LRRN2: variants seen among roughly 807,000 people sequenced by gnomAD.
The protein encoded by LRRN2 is leucine rich repeat neuronal 2, also known as leucine-rich repeat neuronal protein 2.
LRRN2 carries 10 observed loss-of-function variants against 35.7 expected under a neutral mutation model. That is an observed-to-expected ratio of 0.28 (90% CI 0.17 to 0.47). The LOEUF is 0.47. Among genes scored for constraint, LRRN2 ranks in the 20% least tolerant of loss-of-function variants. The probability of loss-of-function intolerance (pLI) is 0.99; values close to 1 mark genes in which losing one functional copy is unlikely to be tolerated. For synonymous variants in LRRN2, 391 were observed against 409.6 expected (o/e 0.95, Z 0.55); for missense variants, 731 against 940.3 (o/e 0.78, Z 2.91).
chr1:204,645,808 G>A (rs188080759), intron 1 of LRRN2, among the ~76,000 whole-genome samples: 227 of 152,248 alleles, frequency 1.5e-3, no homozygotes, highest in Middle Eastern at 3.4e-3. Flanking sequence ...AATGCCAGGT[G>A]CTTATAAAAA....
Position 204,635,551 on chromosome 1 carries a change from C to G in LRRN2, c.-226-15333G>C, listed in dbSNP as rs186465971. 4.6e-5 allele frequency among the ~76,000 whole-genome samples: 7 copies of G among 152,278 alleles called. No homozygotes were observed. The East Asian group carries it at 1.2e-3, about 25-fold the overall frequency. On this transcript the variant is annotated intron_variant, in intron 1 of 1. Coordinates refer to ENST00000367177, the MANE Select transcript of LRRN2 (RefSeq NM_201630.2). Reference sequence around the variant, plus strand: ...TTGAGTGTACCAGGCATGAAGGGAACAGGAAACCATGCAGGCAGCAAATAA... The same window carrying G: ...TTGAGTGTACCAGGCATGAAGGGAAGAGGAAACCATGCAGGCAGCAAATAA...
chr1:204,684,531 C>T (rs768130258), intron 1 of LRRN2, among the ~76,000 whole-genome samples: 1 of 152,222 alleles, frequency 6.6e-6, no homozygotes, highest in Admixed American at 6.5e-5. Flanking sequence ...TTCCCTCACC[C>T]CGCGGCTCCT....
At chr1:204,656,782 G>A (rs1668366121) in intron 1 of LRRN2, among the ~76,000 whole-genome samples, 1 of 152,150 alleles carries the variant, frequency 6.6e-6, no homozygotes, top group South Asian at 2.1e-4. Flanking sequence ...CTGGCTTGTG[G>A]AATCTTCACT....
At chr1:204,650,798 G>A (rs778692575) in intron 1 of LRRN2, among the ~76,000 whole-genome samples, 5 of 152,054 alleles carry the variant, frequency 3.3e-5, no homozygotes, top group Admixed American at 6.6e-5. Flanking sequence ...CAATCTCTCC[G>A]CTCATGGATT....
At chr1:204,640,517 C>T (rs550990349) in intron 1 of LRRN2, among the ~76,000 whole-genome samples, 39 of 152,158 alleles carry the variant, frequency 2.6e-4, no homozygotes, top group African/African-American at 7.5e-4. Context: ...CTGTAGCAAA[C>T]GGAGCCTGTA....
chr1:204,653,114 T>C (rs550549632), intron 1 of LRRN2, among the ~76,000 whole-genome samples: 2 of 152,188 alleles, frequency 1.3e-5, no homozygotes, highest in Non-Finnish European at 2.9e-5. Context: ...TATTAGATGG[T>C]GCAAAAGTAA....
At chr1:204,653,707 A>T (rs1333040601) in intron 1 of LRRN2, among the ~76,000 whole-genome samples, 1 of 151,978 alleles carries the variant, frequency 6.6e-6, no homozygotes, top group African/African-American at 2.4e-5. Flanking sequence ...CAAAATATTT[A>T]AAAAATTAGC....
intron 1 of LRRN2, among the ~76,000 whole-genome samples, chr1:204,660,929 G>C (rs1268417136): frequency 6.6e-6 from 1 of 152,208 alleles, no homozygotes; most frequent in East Asian, 1.9e-4. Context: ...AGTGGGCCCA[G>C]GTCCTCCACA....
intron 1 of LRRN2, chr1:204,629,224 C>T (rs762026427): frequency 2.0e-5 from 3 of 152,308 alleles, no homozygotes; most frequent in Non-Finnish European, 2.9e-5. Flanking sequence ...GGGACCTTGC[C>T]ACAAGTCCCC....
chr1:204,684,903 G>T (rs546734281), intron 1 of LRRN2, among the ~76,000 whole-genome samples: 1 of 152,222 alleles, frequency 6.6e-6, no homozygotes, highest in Non-Finnish European at 1.5e-5. Context: ...GTCCGCCCGT[G>T]TCACGCCCTC....
At chr1:204,668,958 G>C (rs773876634) in intron 1 of LRRN2, among the ~76,000 whole-genome samples, 17 of 152,056 alleles carry the variant, frequency 1.1e-4, no homozygotes, top group Non-Finnish European at 2.5e-4. Context: ...CAAGTAGCTG[G>C]AACTACAGGC....
chr1:204,652,499 T>A, intron 1 of LRRN2, among the ~76,000 whole-genome samples: 2 of 152,052 alleles, frequency 1.3e-5, no homozygotes, highest in Non-Finnish European at 2.9e-5. Context: ...TTAATTGCTG[T>A]GGGTCTCAGT....
At chr1:204,629,421 G>T (rs1667608739) in intron 1 of LRRN2, 1 of 152,872 alleles carries the variant, frequency 6.5e-6, no homozygotes, top group Admixed American at 6.5e-5. Context: ...CACTGATATG[G>T]TTTGGCTGTG....
intron 1 of LRRN2, among the ~76,000 whole-genome samples, chr1:204,623,100 A>C (rs114896004): frequency 4.6e-5 from 7 of 152,120 alleles, no homozygotes; most frequent in African/African-American, 1.7e-4. Context: ...AGGCAGGTTC[A>C]AAAACACGAA....
chr1:204,668,915 C>T (rs1668646427), intron 1 of LRRN2, among the ~76,000 whole-genome samples: 1 of 152,192 alleles, frequency 6.6e-6, no homozygotes, highest in South Asian at 2.1e-4. Context: ...CCTTGACTTC[C>T]AGGGCTCAAG....
Position 204,631,254 on chromosome 1 carries a change from TTC to T in LRRN2, c.-226-11038_-226-11037del, listed in dbSNP as rs1414324395. Among the ~76,000 whole-genome samples, 13 of 9,922 alleles carry T rather than the reference TTC, an allele frequency of 1.3e-3. 1 individual carries two copies. Among genetic ancestry groups the T allele is most frequent in the African/African-American group, 2.5e-3 (10 of 3,956 alleles). The allele number at this position is 9,922 out of a possible 152,430, so 6.5% of individuals were successfully genotyped here. On this transcript the variant is annotated intron_variant, in intron 1 of 1. Transcript: ENST00000367177. Reference sequence around the variant, plus strand: ...ACCAAGAAGAGTGATACCTAGAGTGTTCTATATATATATATATATATATATAT... The same window carrying T: ...ACCAAGAAGAGTGATACCTAGAGTGTTATATATATATATATATATATATAT...
At position 204,664,735 on chromosome 1, in the gene LRRN2, G is replaced by A. The variant is rs549073384; in HGVS notation, c.-227+20585C>T. The A allele has an allele frequency of 2.0e-5, 3 of 152,318 alleles. No homozygotes were observed. In the East Asian group the frequency reaches 5.8e-4, roughly 29 times the overall value. 9.4% of individuals were successfully genotyped at this position (152,318 alleles called of 1,614,324 possible). A position where few individuals can be genotyped will look rare whatever the true frequency, so the allele number is the denominator to read the frequency against. ...TTTTTGCAGCTTTCAGCCTCGGGAA[G>A]CTCTTGATGGGCTCGTCTGCCACGC... On this transcript the variant is annotated intron_variant, in intron 1 of 1. Coordinates refer to ENST00000367177, the MANE Select transcript of LRRN2 (RefSeq NM_201630.2).
intron 1 of LRRN2, chr1:204,633,200 C>A: frequency 6.6e-6 from 1 of 152,418 alleles, no homozygotes; most frequent in South Asian, 2.0e-4. Context: ...AGACAGCAGC[C>A]TTCACCAGAT....
chr1:204,633,262 T>G (rs889706857), intron 1 of LRRN2: 1 of 152,304 alleles, frequency 6.6e-6, no homozygotes, highest in Non-Finnish European at 1.5e-5. Context: ...AGAAATAAAT[T>G]TCTATTCTTT....
Sources: gnomAD v4.1 joint callset for allele counts (sites outside exome capture counted in the v4.1 genomes callset) on GRCh38, gnomAD v4.1.1 for gene constraint, MANE v1.5 for transcripts, NCBI Gene and HGNC (gene_info 2026-07-23, HGNC 2026-07-21) for gene names.